The following NLGN1 variants were observed in gnomAD, a reference collection of about 807,000 sequenced individuals.
The protein encoded by NLGN1 is neuroligin-1.
Under a neutral mutation model 65.5 loss-of-function variants are expected in NLGN1, and 12 were observed. That is an observed-to-expected ratio of 0.18 (90% CI 0.12 to 0.30). The LOEUF (loss-of-function observed/expected upper bound fraction) is 0.30, where lower values mean the gene tolerates loss of function less well. NLGN1 is among the 10% of genes least tolerant of loss of function. The probability of loss-of-function intolerance (pLI) is 1.00; values close to 1 mark genes in which losing one functional copy is unlikely to be tolerated. For missense variants in NLGN1, 750 were observed against 1,007.1 expected, an observed-to-expected ratio of 0.74 and a Z score of 3.46; for synonymous variants, 350 against 359.5, an observed-to-expected ratio of 0.97 and a Z score of 0.30.
intron 2 of NLGN1, among the ~76,000 whole-genome samples, chr3:173,455,655 A>G (rs1722387878): frequency 6.6e-6 from 1 of 152,288 alleles, no homozygotes; most frequent in South Asian, 2.1e-4. Context: ...AAAATGCACT[A>G]TGTGGAAAGT....
At chr3:173,597,122 T>C (rs1485124280) in intron 2 of NLGN1, among the ~76,000 whole-genome samples, 2 of 152,244 alleles carry the variant, frequency 1.3e-5, no homozygotes, top group Non-Finnish European at 2.9e-5. Context: ...TGTTTCACTC[T>C]CCTCAGTTCC....
chr3:173,524,362 G>T (rs1015593741), intron 2 of NLGN1, among the ~76,000 whole-genome samples: 1 of 152,062 alleles, frequency 6.6e-6, no homozygotes, highest in Admixed American at 6.6e-5. Context: ...TTGACTCTCA[G>T]CCTGGACATT....
chr3:174,190,761 C>T (rs1732249026), intron 4 of NLGN1, among the ~76,000 whole-genome samples: 1 of 151,904 alleles, frequency 6.6e-6, no homozygotes, highest in Non-Finnish European at 1.5e-5. Flanking sequence ...AACTGAATAA[C>T]TTCTCATCAC....
chr3:173,727,319 G>T (rs1205537537), intron 3 of NLGN1, among the ~76,000 whole-genome samples: 1 of 152,138 alleles, frequency 6.6e-6, no homozygotes, highest in Admixed American at 6.6e-5. Flanking sequence ...CTTCCCAGGA[G>T]AGAAACATAT....
chr3:173,419,942 C>T (rs1437384901), intron 1 of NLGN1, among the ~76,000 whole-genome samples: 8 of 150,430 alleles, frequency 5.3e-5, no homozygotes, highest in Non-Finnish European at 1.2e-4. Flanking sequence ...CATTGCACTC[C>T]AGCCTGGCGA....
chr3:174,198,092 G>A (rs1289145690), intron 4 of NLGN1, among the ~76,000 whole-genome samples: 1 of 152,068 alleles, frequency 6.6e-6, no homozygotes, highest in African/African-American at 2.4e-5. Flanking sequence ...CTAAGAACAT[G>A]ATTCCATGAA....
At chr3:173,715,063 T>C (rs1769615790) in intron 3 of NLGN1, among the ~76,000 whole-genome samples, 1 of 152,036 alleles carries the variant, frequency 6.6e-6, no homozygotes. Flanking sequence ...AGAAAGTGGT[T>C]GTAGCCCCTC....
intron 3 of NLGN1, among the ~76,000 whole-genome samples, chr3:173,668,279 G>A (rs1311150253): frequency 6.6e-6 from 1 of 152,104 alleles, no homozygotes; most frequent in East Asian, 1.9e-4. Context: ...AGTTTAGTTG[G>A]GTTTTTAAGG....
chr3:174,150,915 C>G (rs1400154956), intron 4 of NLGN1, among the ~76,000 whole-genome samples: 1 of 151,962 alleles, frequency 6.6e-6, no homozygotes, highest in Non-Finnish European at 1.5e-5. Flanking sequence ...ATTACATCAA[C>G]TACGTCCTCT....
chr3:174,244,278 A>G (rs1743396096), intron 4 of NLGN1, among the ~76,000 whole-genome samples: 1 of 152,218 alleles, frequency 6.6e-6, no homozygotes, highest in South Asian at 2.1e-4. Context: ...TAAACAAGTT[A>G]TAACCTTCCT....
rs576001890 is a variant in NLGN1 at position 173,925,542 on chromosome 3, A to C, written c.646+117710A>C. On this transcript the variant is annotated intron_variant, in intron 4 of 6. Coordinates refer to ENST00000457714, the Ensembl canonical transcript of NLGN1. ...TGTTTTCTTTACCTGCCTCCCTCACAGAACCATTGTGCCACTTTCTGCTAA... is the reference window on the plus strand; with the variant it reads ...TGTTTTCTTTACCTGCCTCCCTCACCGAACCATTGTGCCACTTTCTGCTAA... Among the ~76,000 whole-genome samples, 11 of 152,306 alleles carry C rather than the reference A, an allele frequency of 7.2e-5. No homozygotes were observed. The East Asian group carries it at 2.1e-3, about 29-fold the overall frequency.
intron 4 of NLGN1, among the ~76,000 whole-genome samples, chr3:174,116,345 T>C (rs962853008): frequency 2.9e-5 from 4 of 139,798 alleles, no homozygotes; most frequent in African/African-American, 1.1e-4. Context: ...TTTTTTTTTT[T>C]TTTTTTTTTT....
intron 3 of NLGN1, among the ~76,000 whole-genome samples, chr3:173,775,556 T>C (rs1401999990): frequency 1.3e-5 from 2 of 152,166 alleles, no homozygotes; most frequent in Middle Eastern, 3.2e-3. Context: ...AAAGCTCCTT[T>C]CACAATACCT....
At chr3:173,656,526 T>G (rs565045374) in intron 3 of NLGN1, among the ~76,000 whole-genome samples, 16 of 149,556 alleles carry the variant, frequency 1.1e-4, no homozygotes, top group African/African-American at 3.9e-4. Context: ...TGTTTGGTTT[T>G]GGATTATTTT....
intron 2 of NLGN1, among the ~76,000 whole-genome samples, chr3:173,587,366 G>T (rs1747660654): frequency 6.6e-6 from 1 of 152,112 alleles, no homozygotes; most frequent in South Asian, 2.1e-4. Context: ...AAACTTTGTA[G>T]GTAGTAAATC....
intron 3 of NLGN1, among the ~76,000 whole-genome samples, chr3:173,675,868 G>GTCTCTCTCTCTCTCTCTC (rs10635715): frequency 1.5e-5 from 2 of 132,558 alleles, no homozygotes; most frequent in African/African-American, 5.9e-5. Flanking sequence ...CTCTCTCTTT[G>GTCTCTCTCTCTCTCTCTC]TCTCTCTCTC....
rs113630906 is a variant in NLGN1, at chr3:173,413,997, A to T, written c.-390+15510A>T. Among the ~76,000 whole-genome samples the T allele has an allele frequency of 6.3e-3, 960 of 152,320 alleles. 8 individuals are homozygous for T. The highest frequency in any genetic ancestry group is 0.022 in the African/African-American group (926 of 41,570). On this transcript the variant is annotated intron_variant, in intron 1 of 6. Transcript: ENST00000457714. ...GCGGTTCCACACTGTAGTGAATATC[A>T]TGAGTCCACTGTGCACACAGAAGAT...
chr3:173,575,213 AAAT>A (rs1237616549), intron 2 of NLGN1, among the ~76,000 whole-genome samples: 8 of 152,196 alleles, frequency 5.3e-5, no homozygotes, highest in African/African-American at 1.9e-4. Context: ...AAAAATAAAA[AAAT>A]AAAAAAAAAT....
chr3:173,835,574 A>AAC (rs1456512425), intron 4 of NLGN1, among the ~76,000 whole-genome samples: 4 of 49,492 alleles, frequency 8.1e-5, no homozygotes, highest in African/African-American at 3.2e-4. Flanking sequence ...AATATGTTCA[A>AAC]ACACATACAC....
Sources: gnomAD v4.1 joint callset for allele counts (sites outside exome capture counted in the v4.1 genomes callset) on GRCh38, gnomAD v4.1.1 for gene constraint, MANE v1.5 for transcripts, NCBI Gene and HGNC (gene_info 2026-07-23, HGNC 2026-07-21) for gene names.